EIF1AY: variants seen among roughly 807,000 people sequenced by gnomAD.
EIF1AY encodes the protein eukaryotic translation initiation factor 1A Y-linked.
For missense variants in EIF1AY, 19 were observed against 30.6 expected (o/e 0.62, Z 0.89); for synonymous variants, 16 against 9.9 (o/e 1.62, Z -1.16).
chrY:20,589,419 C>T, intron 5 of EIF1AY, 65 bp from the exon 6 acceptor site: 1 of 310,227 alleles, frequency 3.2e-6, no homozygotes, highest in Admixed American at 8.1e-5. Flanking sequence ...ATCTGCCTAC[C>T]ATGGCCTCCC....
chrY:20,578,354 T>C, intron 1 of EIF1AY, among the ~76,000 whole-genome samples: 1 of 33,374 alleles, frequency 3.0e-5, no homozygotes, highest in Admixed American at 2.7e-4. Context: ...ACCTTTGAGA[T>C]TGCTAAAGTT....
chrY:20,581,141 G>A, intron 2 of EIF1AY, among the ~76,000 whole-genome samples: 2 of 33,699 alleles, frequency 5.9e-5, no homozygotes, highest in Admixed American at 5.3e-4. Context: ...GGCAAAAGAC[G>A]TTTATTTAGC....
chrY:20,575,975 G>T, intron 1 of EIF1AY, 88 bp downstream of exon 1: 1 of 255,876 alleles, frequency 3.9e-6, no homozygotes, highest in South Asian at 3.6e-5. Context: ...CTGTTCTAAC[G>T]GCGGTACTGG....
chrY:20,588,247 A>G lies in EIF1AY; in HGVS notation c.337+142A>G. The G allele has an allele frequency of 6.3e-5, 6 of 94,746 alleles. No individual in the cohort carries two copies. The South Asian group carries it at 8.6e-4, about 14-fold the overall frequency. 23.6% of individuals were successfully genotyped at this position (94,746 alleles called of 400,897 possible). A position where few individuals can be genotyped will look rare whatever the true frequency, so the allele number is the denominator to read the frequency against. ...ATTTGTTATAAGTAGTCTTGCCTAT[A>G]CTTCAGTTTACTTATGATACTTTGG... On this transcript the variant is annotated intron_variant, in intron 5 of 6. Coordinates refer to ENST00000361365, the MANE Select transcript of EIF1AY (RefSeq NM_004681.4).
chrY:20,591,822 G>T (rs989951152), intron 6 of EIF1AY, among the ~76,000 whole-genome samples: 1 of 33,040 alleles, frequency 3.0e-5, no homozygotes. Flanking sequence ...CTCAGGGAGT[G>T]GGGGGGAGTA....
chrY:20,578,705 A>G (rs776374799), intron 1 of EIF1AY, among the ~76,000 whole-genome samples: 17 of 32,973 alleles, frequency 5.2e-4, no homozygotes, highest in African/African-American at 1.9e-3. Flanking sequence ...GTTTTATTCT[A>G]TTTGCAGTGT....
chrY:20,579,712 C>T (rs1442750901), intron 2 of EIF1AY, 21 bp downstream of exon 2: 1 of 274,893 alleles, frequency 3.6e-6, no homozygotes, highest in Non-Finnish European at 5.4e-6. Context: ...TCAACTTAGG[C>T]TTCTTTCATT....
chrY:20,592,388 G>C lies in EIF1AY; in HGVS notation c.*42G>C. The C allele has an allele frequency of 8.8e-6, 3 of 339,511 alleles. No homozygotes were observed. Among genetic ancestry groups the C allele is most frequent in the Non-Finnish European group, 1.2e-5 (3 of 243,766 alleles). 84.7% of individuals were successfully genotyped at this position (339,511 alleles called of 400,897 possible). On this transcript the variant is annotated 3_prime_UTR_variant, in exon 7 of 7. Transcript: ENST00000361365. ...TTACATGACAAGTTCTCTGAGGATG[G>C]TTCTACAGTTGGGATTTTGGCCATC...
At chrY:20,592,175 G>A in intron 6 of EIF1AY, among the ~76,000 whole-genome samples, 166 bp from the exon 7 acceptor site, 4 of 33,798 alleles carry the variant, frequency 1.2e-4, no homozygotes, top group African/African-American at 4.6e-4. Flanking sequence ...TTCCAAAAGA[G>A]CATAAAGATT....
At chrY:20,584,087 G>T (rs547393475) in intron 3 of EIF1AY, among the ~76,000 whole-genome samples, 11 of 32,326 alleles carry the variant, frequency 3.4e-4, no homozygotes, top group Non-Finnish European at 5.3e-4. Flanking sequence ...TTGAGGCAGG[G>T]TCTCACGCTG....
chrY:20,589,825 A>G (rs13447356), intron 6 of EIF1AY, among the ~76,000 whole-genome samples: 2 of 33,544 alleles, frequency 6.0e-5, no homozygotes, highest in African/African-American at 2.3e-4. Flanking sequence ...ATTACAACAT[A>G]CTTCAAAGGT....
intron 2 of EIF1AY, among the ~76,000 whole-genome samples, chrY:20,580,627 T>G (rs2089349917): frequency 3.0e-5 from 1 of 33,347 alleles, no homozygotes; most frequent in Non-Finnish European, 7.4e-5. Flanking sequence ...CTTTTACATC[T>G]TTTACTTTAT....
chrY:20,581,056 T>G, intron 2 of EIF1AY, among the ~76,000 whole-genome samples: 2 of 33,945 alleles, frequency 5.9e-5, no homozygotes, highest in Admixed American at 2.7e-4. Flanking sequence ...CTATAGAATT[T>G]TTGGTTGTCA....
chrY:20,578,317 G>C (rs2089348157), intron 1 of EIF1AY, among the ~76,000 whole-genome samples: 1 of 33,233 alleles, frequency 3.0e-5, no homozygotes, highest in Non-Finnish European at 7.4e-5. Context: ...GCCTATACTT[G>C]TGAAGAGCTA....
Position 20,588,087 on chromosome Y carries a change from G to T in EIF1AY, c.319G>T (p.Gly107Cys). The change falls in exon 5 of 7, where the codon GGC becomes TGC. Residue 107 changes from glycine to cysteine, a missense_variant. Physicochemically the swap from Gly to Cys is radical, Grantham distance 159 (BLOSUM62 -3). Transcript: ENST00000361365. Reference protein sequence around the residue: ...ADEARSLKAYGELPEHAKINE... With the variant: ...ADEARSLKAYCELPEHAKINE... ...TGAAGCTAGAAGCCTGAAGGCATAT[G>T]GCGAGCTTCCAGAACATGGTAAGAT... 2.6e-6 allele frequency: 1 copy of T among 385,124 alleles called. No homozygotes were observed. Among genetic ancestry groups the T allele is most frequent in the Non-Finnish European group, 3.7e-6 (1 of 273,038 alleles).
chrY:20,575,859 T>A lies in EIF1AY; in HGVS notation c.-13T>A. ...GGAGTCGGAAGAGGTCTCACGAGGCTGTCATCACCGCCATGCCCAAGAATA... is the reference window on the plus strand; with the variant it reads ...GGAGTCGGAAGAGGTCTCACGAGGCAGTCATCACCGCCATGCCCAAGAATA... On this transcript the variant is annotated 5_prime_UTR_variant, in exon 1 of 7. Transcript: ENST00000361365. The A allele has an allele frequency of 2.6e-6, 1 of 384,906 alleles. No homozygotes were observed. Among genetic ancestry groups the A allele is most frequent in the African/African-American group, 6.3e-5 (1 of 15,963 alleles).
In EIF1AY at chrY:20,579,592, T is replaced by G; in HGVS notation, c.17-16T>G. 3.1e-6 allele frequency: 1 copy of G among 320,088 alleles called. No homozygotes were observed. The highest frequency in any genetic ancestry group is 4.5e-6 in the Non-Finnish European group (1 of 223,081). The allele number at this position is 320,088 out of a possible 400,897, so 79.8% of individuals were successfully genotyped here. A position where few individuals can be genotyped will look rare whatever the true frequency, so the allele number is the denominator to read the frequency against. ...ATTTTTACATTAATTTTTTATCTAC[T>G]CTTTTAATTAATTAGGTAAAGGAGG... On this transcript the variant is annotated splice_polypyrimidine_tract_variant and intron_variant, in intron 1 of 6. Coordinates refer to ENST00000361365, the MANE Select transcript of EIF1AY (RefSeq NM_004681.4).
At chrY:20,584,392 C>A in intron 3 of EIF1AY, 82 bp from the exon 4 acceptor site, 1 of 140,854 alleles carries the variant, frequency 7.1e-6, no homozygotes, top group Non-Finnish European at 1.2e-5. Context: ...AATAGTATAC[C>A]TGTCTTGTGG....
At chrY:20,580,725 T>A (rs972714998) in intron 2 of EIF1AY, among the ~76,000 whole-genome samples, 3 of 33,719 alleles carry the variant, frequency 8.9e-5, no homozygotes, top group African/African-American at 2.3e-4. Context: ...ATTTACAGAC[T>A]TTAGCGCTAA....
Sources: gnomAD v4.1 joint callset for allele counts (sites outside exome capture counted in the v4.1 genomes callset) on GRCh38, gnomAD v4.1.1 for gene constraint, MANE v1.5 for transcripts, NCBI Gene and HGNC (gene_info 2026-07-23, HGNC 2026-07-21) for gene names.